NKAIN3: variants seen among roughly 807,000 people sequenced by gnomAD.
NKAIN3 encodes the protein sodium/potassium transporting ATPase interacting 3.
In NKAIN3, 25 loss-of-function variants were observed where a neutral mutation model predicts 30.2. The observed-to-expected ratio is 0.83, with a 90% CI of 0.60 to 1.16. NKAIN3 has a LOEUF of 1.16. Among genes scored for constraint, NKAIN3 ranks in the 50% most tolerant of loss-of-function variants. The pLI is 0.00. For synonymous variants in NKAIN3, 91 were observed against 89.6 expected (o/e 1.02, Z -0.09); for missense variants, 225 against 254.1 (o/e 0.89, Z 0.78).
intron 2 of NKAIN3, among the ~76,000 whole-genome samples, chr8:62,585,616 G>A (rs753857611): frequency 3.3e-5 from 5 of 152,078 alleles, no homozygotes; most frequent in Non-Finnish European, 5.9e-5. Flanking sequence ...TAGATCCCTC[G>A]CATGGGTAGT....
chr8:62,801,477 G>T (rs1227611079), intron 4 of NKAIN3, among the ~76,000 whole-genome samples: 1 of 152,194 alleles, frequency 6.6e-6, no homozygotes, highest in Non-Finnish European at 1.5e-5. Flanking sequence ...CCGCTGTTCT[G>T]CAGCCACCGC....
chr8:62,271,183 A>G (rs149923404), intron 1 of NKAIN3, among the ~76,000 whole-genome samples: 18 of 152,328 alleles, frequency 1.2e-4, no homozygotes, highest in African/African-American at 4.3e-4. Context: ...CAAGATTGGA[A>G]TGCAGCATGG....
rs16930019 is a variant in NKAIN3, at chr8:62,972,302, T to A, written c.*6895T>A. Among the ~76,000 whole-genome samples, 3,098 of 152,236 alleles carry A rather than the reference T, an allele frequency of 0.02. 91 individuals carry two copies. The highest frequency in any genetic ancestry group is 0.066 in the African/African-American group (2,752 of 41,510). ...AATATCGGCTGAAGTGGAATGAGTA[T>A]TCAAATTGTCCAAAAAAATATACAA... On this transcript the variant is annotated 3_prime_UTR_variant, in exon 7 of 7. Transcript: ENST00000623646.
chr8:62,405,740 C>G (rs1481639471), intron 1 of NKAIN3, among the ~76,000 whole-genome samples: 1 of 152,104 alleles, frequency 6.6e-6, no homozygotes, highest in Non-Finnish European at 1.5e-5. Context: ...ATTACTGGTT[C>G]TTATGAAGGT....
chr8:62,853,610 G>A (rs191731965), intron 4 of NKAIN3, among the ~76,000 whole-genome samples: 6 of 152,124 alleles, frequency 3.9e-5, no homozygotes, highest in Admixed American at 1.3e-4. Context: ...TAGTTTATTA[G>A]TCTAGCTATC....
At chr8:62,627,983 G>A (rs541661453) in intron 3 of NKAIN3, among the ~76,000 whole-genome samples, 1 of 152,144 alleles carries the variant, frequency 6.6e-6, no homozygotes, top group Non-Finnish European at 1.5e-5. Context: ...CTTCTTCCTG[G>A]CACTCAGTAA....
intron 4 of NKAIN3, among the ~76,000 whole-genome samples, chr8:62,759,482 G>A (rs947429830): frequency 1.1e-4 from 4 of 35,340 alleles, no homozygotes; most frequent in East Asian, 7.7e-4. Context: ...CCTGCAGATA[G>A]GTGGGGGCTT....
intron 4 of NKAIN3, among the ~76,000 whole-genome samples, chr8:62,825,207 C>G (rs1206389908): frequency 1.3e-5 from 2 of 152,158 alleles, no homozygotes; most frequent in Non-Finnish European, 2.9e-5. Flanking sequence ...AGAAAGTAGA[C>G]TTTTTTCACC....
At chr8:62,693,361 T>A (rs7016043) in intron 3 of NKAIN3, among the ~76,000 whole-genome samples, 5,049 of 152,312 alleles carry the variant, frequency 0.033, 113 homozygotes, top group Middle Eastern at 0.071. Flanking sequence ...CCTGAAAGAC[T>A]GGCAAGAGCA....
chr8:62,513,623 C>T (rs571753477), intron 1 of NKAIN3, among the ~76,000 whole-genome samples: 1 of 151,848 alleles, frequency 6.6e-6, no homozygotes, highest in Non-Finnish European at 1.5e-5. Context: ...AATCTCAGCA[C>T]TTTGGGAGGC....
intron 1 of NKAIN3, among the ~76,000 whole-genome samples, chr8:62,484,554 T>G (rs1335726239): frequency 6.6e-6 from 1 of 152,202 alleles, no homozygotes; most frequent in Non-Finnish European, 1.5e-5. Flanking sequence ...CAGAGCTGAA[T>G]TTTCTGAGTT....
intron 1 of NKAIN3, among the ~76,000 whole-genome samples, chr8:62,451,044 A>T (rs1347968788): frequency 6.6e-6 from 1 of 152,186 alleles, no homozygotes; most frequent in Admixed American, 6.5e-5. Flanking sequence ...TTAATTTTTT[A>T]AATATTGAAT....
At chr8:62,267,508 A>G (rs1812645687) in intron 1 of NKAIN3, among the ~76,000 whole-genome samples, 1 of 152,112 alleles carries the variant, frequency 6.6e-6, no homozygotes, top group South Asian at 2.1e-4. Context: ...TCTCTACACT[A>G]TTATTTCATG....
At chr8:62,650,978 ATTCTT>A (rs1187961870) in intron 3 of NKAIN3, among the ~76,000 whole-genome samples, 2 of 152,092 alleles carry the variant, frequency 1.3e-5, no homozygotes, top group African/African-American at 2.4e-5. Flanking sequence ...TTTAACAAGA[ATTCTT>A]TTGTTTTGTT....
At chr8:62,892,848 T>C (rs1045341025) in intron 4 of NKAIN3, among the ~76,000 whole-genome samples, 7 of 152,062 alleles carry the variant, frequency 4.6e-5, no homozygotes, top group Non-Finnish European at 8.8e-5. Flanking sequence ...CACACCAGCA[T>C]AAAAGAGTTA....
At chr8:62,479,422 T>C (rs1454851119) in intron 1 of NKAIN3, among the ~76,000 whole-genome samples, 2 of 152,120 alleles carry the variant, frequency 1.3e-5, no homozygotes, top group East Asian at 1.9e-4. Flanking sequence ...GGCTTCTACA[T>C]GGTGAAGCCT....
chr8:62,370,573 T>C (rs1418078904), intron 1 of NKAIN3, among the ~76,000 whole-genome samples: 2 of 151,982 alleles, frequency 1.3e-5, no homozygotes, highest in Non-Finnish European at 2.9e-5. Context: ...ACCTTGACCA[T>C]ATTTATTTTC....
chr8:62,396,349 C>T lies in NKAIN3; in HGVS notation c.54+147222C>T, dbSNP rs147460043. On this transcript the variant is annotated intron_variant, in intron 1 of 6. Coordinates refer to ENST00000623646, the MANE Select transcript of NKAIN3 (RefSeq NM_001304533.3). ...CTTCTTATTTGGCTAGGCCGCAACC[C>T]GGTGCCTAAGCCTATACTCTCCTTA... 1.4e-3 allele frequency among the ~76,000 whole-genome samples: 206 copies of T among 152,304 alleles called. 4 individuals are homozygous for T. In the East Asian group the frequency reaches 0.031, roughly 23 times the overall value.
At chr8:62,357,921 T>C (rs1389619998) in intron 1 of NKAIN3, among the ~76,000 whole-genome samples, 1 of 152,240 alleles carries the variant, frequency 6.6e-6, no homozygotes, top group African/African-American at 2.4e-5. Context: ...TATCTTTCTC[T>C]TTGACACATG....
Sources: gnomAD v4.1 joint callset for allele counts (sites outside exome capture counted in the v4.1 genomes callset) on GRCh38, gnomAD v4.1.1 for gene constraint, MANE v1.5 for transcripts, NCBI Gene and HGNC (gene_info 2026-07-23, HGNC 2026-07-21) for gene names.